Variants in SPATA16 observed in about 807,000 individuals in gnomAD.
SPATA16 encodes spermatogenesis associated 16.
Under a neutral mutation model 63.3 loss-of-function variants are expected in SPATA16, and 36 were observed. The ratio of observed to expected loss-of-function variants is 0.57; its 90% CI spans 0.44 to 0.75. SPATA16 has a LOEUF of 0.75. Among genes scored for constraint, SPATA16 ranks in the 30% least tolerant of loss-of-function variants. SPATA16 has a pLI of 0.00. For synonymous variants in SPATA16, 203 were observed against 216.7 expected (o/e 0.94, Z 0.56); for missense variants, 646 against 679.3 (o/e 0.95, Z 0.54).
intron 2 of SPATA16, among the ~76,000 whole-genome samples, chr3:173,100,385 G>A (rs1441686384): frequency 1.3e-5 from 2 of 151,930 alleles, no homozygotes; most frequent in Admixed American, 6.6e-5. Context: ...ATTGCTGAAT[G>A]AAATTTTAAA....
intron 1 of SPATA16, among the ~76,000 whole-genome samples, chr3:173,139,218 C>T (rs953959357): frequency 2.0e-5 from 3 of 152,092 alleles, no homozygotes; most frequent in Non-Finnish European, 2.9e-5. Context: ...TATTATTGTT[C>T]AGCAATTTTT....
chr3:173,080,989 T>G (rs1376060714), intron 2 of SPATA16, among the ~76,000 whole-genome samples: 5 of 152,154 alleles, frequency 3.3e-5, no homozygotes. Flanking sequence ...AGTGCTCTGT[T>G]GTAAAATTTG....
intron 10 of SPATA16, among the ~76,000 whole-genome samples, chr3:172,909,323 C>G (rs985533906): frequency 6.6e-6 from 1 of 152,134 alleles, no homozygotes; most frequent in African/African-American, 2.4e-5. Context: ...TTGATTCTTC[C>G]AACTCTTGGA....
chr3:173,037,953 T>TA (rs903805110), intron 3 of SPATA16, among the ~76,000 whole-genome samples: 1 of 152,114 alleles, frequency 6.6e-6, no homozygotes, highest in African/African-American at 2.4e-5. Context: ...TGGAATATCC[T>TA]AAAAAATATC....
At chr3:173,105,216 C>G (rs765009092) in intron 2 of SPATA16, among the ~76,000 whole-genome samples, 15 of 152,168 alleles carry the variant, frequency 9.9e-5, no homozygotes, top group Non-Finnish European at 1.9e-4. Flanking sequence ...TAGTTGGCAT[C>G]CTGAACACAT....
At chr3:172,892,115 A>C (rs1174051500) in intron 10 of SPATA16, among the ~76,000 whole-genome samples, 1 of 152,200 alleles carries the variant, frequency 6.6e-6, no homozygotes, top group Non-Finnish European at 1.5e-5. Flanking sequence ...GAGGGATATC[A>C]GAAGGCATTC....
chr3:172,943,705 A>G (rs1012696825), intron 6 of SPATA16, among the ~76,000 whole-genome samples: 1 of 152,182 alleles, frequency 6.6e-6, no homozygotes, highest in African/African-American at 2.4e-5. Flanking sequence ...GCGCCATTGC[A>G]CTCCAGCCTG....
rs548945960 is a variant in SPATA16, at chr3:173,060,426, A to T, written c.613-11332T>A. On this transcript the variant is annotated intron_variant, in intron 2 of 10. Coordinates refer to ENST00000351008, the MANE Select transcript of SPATA16 (RefSeq NM_031955.6). ...GAATTAGAGGAAAAATGAAAATTAT[A>T]AAAAAATTAAATTACAGAATGAATT... 8.7e-5 allele frequency among the ~76,000 whole-genome samples: 13 copies of T among 149,620 alleles called. No homozygotes were observed. In the East Asian group the frequency reaches 1.2e-3, roughly 13 times the overall value.
At chr3:172,960,904 TCCTC>T (rs200942714) in intron 5 of SPATA16, among the ~76,000 whole-genome samples, 18 of 148,258 alleles carry the variant, frequency 1.2e-4, no homozygotes, top group Non-Finnish European at 2.5e-4. Context: ...CTTCCTTCCT[TCCTC>T]CCTCCCTCCC....
At chr3:173,108,507 TG>T in intron 2 of SPATA16, among the ~76,000 whole-genome samples, 1 of 152,200 alleles carries the variant, frequency 6.6e-6, no homozygotes, top group East Asian at 1.9e-4. Flanking sequence ...ATAGTCAACC[TG>T]GGATTGTAAA....
At chr3:173,073,196 G>A (rs1029009867) in intron 2 of SPATA16, among the ~76,000 whole-genome samples, 19 of 152,170 alleles carry the variant, frequency 1.2e-4, no homozygotes, top group African/African-American at 4.6e-4. Flanking sequence ...AAAAGGGAAA[G>A]AACATAAAAA....
At chr3:173,047,000 A>G (rs749269112) in intron 3 of SPATA16, among the ~76,000 whole-genome samples, 23 of 151,996 alleles carry the variant, frequency 1.5e-4, no homozygotes, top group South Asian at 2.1e-4. Flanking sequence ...GTAATAGGAA[A>G]GATAACTTTA....
At chr3:172,961,069 T>TCTTCCTTCCTTCCTTTCTTC (rs1733765838) in intron 5 of SPATA16, among the ~76,000 whole-genome samples, 1 of 72,346 alleles carries the variant, frequency 1.4e-5, no homozygotes, top group African/African-American at 6.3e-5. Flanking sequence ...CTTTCTTCTT[T>TCTTCCTTCCTTCCTTTCTTC]CTTCCTTCCT....
At chr3:172,995,875 T>C (rs1215980425) in intron 4 of SPATA16, among the ~76,000 whole-genome samples, 1 of 152,144 alleles carries the variant, frequency 6.6e-6, no homozygotes. Context: ...TACATAATTG[T>C]AGTACTACAC....
At chr3:173,118,250 T>C (rs1737960237) in intron 1 of SPATA16, among the ~76,000 whole-genome samples, 1 of 152,232 alleles carries the variant, frequency 6.6e-6, no homozygotes, top group Non-Finnish European at 1.5e-5. Context: ...CTTTCCTAAA[T>C]TTGTTTCTTT....
At chr3:172,965,693 G>A (rs1160508944) in intron 5 of SPATA16, among the ~76,000 whole-genome samples, 6 of 151,642 alleles carry the variant, frequency 4.0e-5, no homozygotes, top group Middle Eastern at 3.4e-3. Context: ...GTGCAATGGC[G>A]CGATCTCGGC....
At chr3:173,127,309 A>G (rs1279917199) in intron 1 of SPATA16, among the ~76,000 whole-genome samples, 1 of 152,196 alleles carries the variant, frequency 6.6e-6, no homozygotes, top group Non-Finnish European at 1.5e-5. Flanking sequence ...ACATTTCCTA[A>G]GACTGAGGAT....
chr3:173,028,579 G>A (rs1450854262), intron 3 of SPATA16, among the ~76,000 whole-genome samples: 2 of 151,710 alleles, frequency 1.3e-5, no homozygotes, highest in Non-Finnish European at 2.9e-5. Flanking sequence ...AAATAATATG[G>A]ACTGTTTAAA....
intron 1 of SPATA16, among the ~76,000 whole-genome samples, chr3:173,120,460 G>C (rs530435914): frequency 3.0e-4 from 46 of 152,208 alleles, no homozygotes; most frequent in African/African-American, 8.7e-4. Context: ...TTTGTGAGCT[G>C]TTCCAACATT....
Sources: gnomAD v4.1 joint callset for allele counts (sites outside exome capture counted in the v4.1 genomes callset) on GRCh38, gnomAD v4.1.1 for gene constraint, MANE v1.5 for transcripts, NCBI Gene and HGNC (gene_info 2026-07-23, HGNC 2026-07-21) for gene names.